The following PRKG1 variants were observed in gnomAD, a reference collection of about 807,000 sequenced individuals.
PRKG1 encodes the protein protein kinase cGMP-dependent 1.
PRKG1 carries 35 observed loss-of-function variants against 88.1 expected under a neutral mutation model. That is an observed-to-expected ratio of 0.40 (90% confidence interval 0.30 to 0.53). The LOEUF (loss-of-function observed/expected upper bound fraction) is 0.53. Ranked by LOEUF, PRKG1 falls within the 20% of genes least tolerant of loss-of-function variation. The pLI is 0.59. For synonymous variants in PRKG1, 303 were observed against 292.5 expected (o/e 1.04, Z -0.37); for missense variants, 540 against 839.8 (o/e 0.64, Z 4.41).
At chr10:51,261,175 C>T (rs542071978) in intron 2 of PRKG1, among the ~76,000 whole-genome samples, 3 of 152,192 alleles carry the variant, frequency 2.0e-5, no homozygotes, top group East Asian at 1.9e-4. Flanking sequence ...TATTTCTTCC[C>T]GATCCAAAGT....
At chr10:51,029,423 T>C (rs983520025) in intron 1 of PRKG1, among the ~76,000 whole-genome samples, 2 of 152,204 alleles carry the variant, frequency 1.3e-5, no homozygotes, top group African/African-American at 4.8e-5. Context: ...TAACAGTCCA[T>C]GTCATTAGCC....
intron 4 of PRKG1, among the ~76,000 whole-genome samples, chr10:51,855,136 T>G (rs560416629): frequency 7.9e-5 from 12 of 152,322 alleles, no homozygotes; most frequent in Non-Finnish European, 1.5e-4. Context: ...AGTAGCACAT[T>G]GTTTGTCAGA....
intron 2 of PRKG1, among the ~76,000 whole-genome samples, chr10:51,213,658 A>G (rs966734856): frequency 5.9e-5 from 9 of 152,228 alleles, no homozygotes; most frequent in Non-Finnish European, 1.0e-4. Context: ...AAACTAATGC[A>G]ATATTACTTT....
chr10:51,602,748 G>A (rs779457542), intron 3 of PRKG1, among the ~76,000 whole-genome samples: 8,354 of 125,936 alleles, frequency 0.066, 427 homozygotes, highest in Middle Eastern at 0.095. Flanking sequence ...GTGTGTGTGT[G>A]TGTGTGTGTG....
At chr10:51,970,001 TACACACACACACACACAC>T (rs35117709) in intron 5 of PRKG1, among the ~76,000 whole-genome samples, 42,557 of 144,436 alleles carry the variant, frequency 0.29, 7,242 homozygotes, top group East Asian at 0.4. Context: ...ATTCTCTTCA[TACACACACACACACACAC>T]ACACACACAC....
At chr10:51,295,488 C>T (rs1225011616) in intron 2 of PRKG1, among the ~76,000 whole-genome samples, 1 of 152,010 alleles carries the variant, frequency 6.6e-6, no homozygotes, top group Non-Finnish European at 1.5e-5. Context: ...TACCCTGAAA[C>T]TTCACTGAAT....
chr10:52,221,615 G>C (rs1295192339), intron 9 of PRKG1, among the ~76,000 whole-genome samples: 1 of 152,016 alleles, frequency 6.6e-6, no homozygotes, highest in East Asian at 1.9e-4. Context: ...AGTAATCCAA[G>C]AATTCATATG....
intron 2 of PRKG1, among the ~76,000 whole-genome samples, chr10:51,353,044 GA>G (rs1424138539): frequency 6.6e-6 from 1 of 152,122 alleles, no homozygotes; most frequent in Non-Finnish European, 1.5e-5. Context: ...ATTCATTGGG[GA>G]AAAGACAGTC....
rs35935908 is a variant in PRKG1 at position 51,377,085 on chromosome 10, T to TAA, written c.479-90628_479-90627dup. Among the ~76,000 whole-genome samples the TAA allele has an allele frequency of 9.8e-3, 1,436 of 146,546 alleles. 17 individuals are homozygous for TAA. The highest frequency in any genetic ancestry group is 0.033 in the African/African-American group (1,346 of 40,278). ...CTTAATGTTATAACCTGTTAGCAGT[T>TAA]AAAAAAAAAAACACAGTATTTATCC... On this transcript the variant is annotated intron_variant, in intron 2 of 17. Coordinates refer to ENST00000373980, the MANE Select transcript of PRKG1 (RefSeq NM_006258.4).
rs752412264 is a variant in PRKG1, at chr10:51,578,980, G to GTTTT, written c.592+111169_592+111172dup. Among the ~76,000 whole-genome samples the GTTTT allele has an allele frequency of 1.5e-4, 12 of 77,828 alleles. 1 individual carries two copies. Among genetic ancestry groups the GTTTT allele is most frequent in the Admixed American group, 5.4e-4 (4 of 7,372 alleles). 51.1% of individuals were successfully genotyped at this position (77,828 alleles called of 152,430 possible). On this transcript the variant is annotated intron_variant, in intron 3 of 17. Coordinates refer to ENST00000373980, the MANE Select transcript of PRKG1 (RefSeq NM_006258.4). Reference sequence around the variant, plus strand: ...GAAGAGTTTGGAATAAGTTCTGTTGGTTTTTTTTTTTTTTTTTTTTTTTTT... The same window carrying GTTTT: ...GAAGAGTTTGGAATAAGTTCTGTTGGTTTTTTTTTTTTTTTTTTTTTTTTTTTTT...
intron 3 of PRKG1, among the ~76,000 whole-genome samples, chr10:51,744,703 G>A (rs547156234): frequency 2.6e-5 from 4 of 152,146 alleles, no homozygotes; most frequent in Admixed American, 6.5e-5. Context: ...GCTGCTTACT[G>A]GAAGCTGTTG....
At chr10:52,223,804 G>T (rs1356301785) in intron 9 of PRKG1, among the ~76,000 whole-genome samples, 3 of 152,056 alleles carry the variant, frequency 2.0e-5, no homozygotes, top group Non-Finnish European at 4.4e-5. Flanking sequence ...TCCCATTCAT[G>T]AGGCTCAAAA....
At chr10:51,780,552 A>G (rs532898596) in intron 3 of PRKG1, among the ~76,000 whole-genome samples, 1 of 152,300 alleles carries the variant, frequency 6.6e-6, no homozygotes, top group Admixed American at 6.5e-5. Flanking sequence ...GTCTTAAGCT[A>G]CCACATAACT....
chr10:50,991,770 G>A lies in PRKG1; in HGVS notation c.266+126G>A, dbSNP rs970700270. The A allele has an allele frequency of 3.0e-6, 2 of 677,340 alleles. No individual in the cohort carries two copies. Among genetic ancestry groups the A allele is most frequent in the Non-Finnish European group, 1.8e-6 (1 of 541,374 alleles). The allele number at this position is 677,340 out of a possible 1,614,324, so 42.0% of individuals were successfully genotyped here. The stretch of plus-strand genomic sequence containing the variant: ...CCCTGCTCGCTGCGGCGCGCGGAGT[G>A]GGGGTGGCCCCGCGGCCCGGGAATG... On this transcript the variant is annotated intron_variant, in intron 1 of 17. Transcript: ENST00000401604. This position sits in a 1 kb window ranked among gnomAD's most constrained non-coding sequence, Gnocchi z 4.5.
chr10:51,192,316 T>C (rs1256985906), intron 2 of PRKG1, among the ~76,000 whole-genome samples: 6 of 151,924 alleles, frequency 3.9e-5, no homozygotes, highest in African/African-American at 1.4e-4. Flanking sequence ...CTTTGGAAGC[T>C]TTCTTAGCCT....
intron 2 of PRKG1, among the ~76,000 whole-genome samples, chr10:51,392,033 C>A (rs1231253986): frequency 6.6e-6 from 1 of 152,098 alleles, no homozygotes; most frequent in African/African-American, 2.4e-5. Flanking sequence ...AAGCAAAAAT[C>A]CCACAGAAAT....
chr10:51,614,210 T>A (rs1031927489), intron 3 of PRKG1, among the ~76,000 whole-genome samples: 1 of 152,062 alleles, frequency 6.6e-6, no homozygotes, highest in Non-Finnish European at 1.5e-5. Context: ...TATATCCTCT[T>A]GGAAGACTGA....
intron 7 of PRKG1, among the ~76,000 whole-genome samples, chr10:52,095,815 T>A (rs1404276593): frequency 6.6e-6 from 1 of 152,162 alleles, no homozygotes; most frequent in African/African-American, 2.4e-5. Context: ...GGTTATAGCT[T>A]TCATGTTGCT....
chr10:51,121,344 T>C (rs1845255960), intron 1 of PRKG1, among the ~76,000 whole-genome samples: 1 of 152,180 alleles, frequency 6.6e-6, no homozygotes, highest in Non-Finnish European at 1.5e-5. Context: ...TAGAAACATG[T>C]CTTTGATGGA....
Sources: gnomAD v4.1 joint callset for allele counts (sites outside exome capture counted in the v4.1 genomes callset) on GRCh38, gnomAD v4.1.1 for gene constraint, Gnocchi (gnomAD v3.1) non-coding constraint, MANE v1.5 for transcripts, NCBI Gene and HGNC (gene_info 2026-07-23, HGNC 2026-07-21) for gene names.